MROH2A: variants seen among roughly 807,000 people sequenced by gnomAD.
MROH2A encodes maestro heat like repeat family member 2A.
MROH2A carries 174 observed loss-of-function variants against 200.4 expected under a neutral mutation model. The ratio of observed to expected loss-of-function variants is 0.87; its 90% confidence interval spans 0.77 to 0.98. MROH2A has a LOEUF of 0.98. Ranked by LOEUF, MROH2A falls within the 50% of genes least tolerant of loss-of-function variation. The pLI is 0.00. For synonymous variants in MROH2A, 829 were observed against 840.4 expected (o/e 0.99, Z 0.23); for missense variants, 2,045 against 2,139.6 (o/e 0.96, Z 0.87).
chr2:233,810,696 T>A, intron 22 of MROH2A, 98 bp from the exon 23 acceptor site: 1 of 1,453,976 alleles, frequency 6.9e-7, no homozygotes, highest in Non-Finnish European at 9.2e-7. Context: ...AAACGCTTTC[T>A]TCAGAGCAGA....
Position 233,822,215 on chromosome 2 carries a change from C to A in MROH2A, c.3604C>A (p.Leu1202Ile), listed in dbSNP as rs763319453. 2.6e-6 allele frequency: 4 copies of A among 1,548,532 alleles called. No homozygotes were observed. ...HSLMGRLQSRLSPRISATSKA... is the reference protein window; with the variant it reads ...HSLMGRLQSRISPRISATSKA... ...CCTGATGGGCCGGCTGCAGTCACGG[C>A]TCAGCCCCAGAATCAGTGCCACCTC... The change falls in exon 32 of 42, where the codon CTC (leucine) becomes ATC (isoleucine). Residue 1202 changes from leucine (L) to isoleucine (I), a missense_variant. By Grantham distance (5) the Leu-to-Ile change is conservative. Around this residue, in one of 3 missense-constraint regions of MROH2A, gnomAD observed 1,201 missense variants for 1,311.3 expected, o/e 0.92. Coordinates refer to ENST00000389758, the MANE Select transcript of MROH2A (RefSeq NM_001394639.1).
At chr2:233,805,462 G>C (rs937941428) in intron 19 of MROH2A, among the ~76,000 whole-genome samples, 2 of 152,176 alleles carry the variant, frequency 1.3e-5, no homozygotes, top group Non-Finnish European at 2.9e-5. Flanking sequence ...AGATGCTATA[G>C]TTCAAATGGT....
intron 22 of MROH2A, 87 bp from the exon 23 acceptor site, chr2:233,810,707 G>C (rs766461242): frequency 6.7e-7 from 1 of 1,489,890 alleles, no homozygotes; most frequent in Non-Finnish European, 9.0e-7. Flanking sequence ...TCAGAGCAGA[G>C]GGAGTCCAGG....
At chr2:233,800,102 A>T in intron 13 of MROH2A, 103 bp from the exon 14 acceptor site, 1 of 1,069,088 alleles carries the variant, frequency 9.4e-7, no homozygotes, top group Non-Finnish European at 1.4e-6. Context: ...CTGTAGACTC[A>T]GTATCTGGGC....
intron 3 of MROH2A, among the ~76,000 whole-genome samples, chr2:233,780,212 A>G (rs1439651488): frequency 3.9e-5 from 6 of 152,190 alleles, no homozygotes; most frequent in South Asian, 2.1e-4. Context: ...GCTGGGGTAG[A>G]GGATGTTGGA....
At chr2:233,829,864 G>A (rs565357141) in intron 38 of MROH2A, 89 bp downstream of exon 38, 5 of 1,197,296 alleles carry the variant, frequency 4.2e-6, no homozygotes, top group Non-Finnish European at 5.3e-6. Context: ...TCGGTGAGCT[G>A]CAAGCTTTTC....
chr2:233,833,134 TCAGCCCTC>T lies in MROH2A; in HGVS notation c.4904_4911del (p.Ser1635Ter). On this transcript the variant is annotated splice_acceptor_variant and splice_polypyrimidine_tract_variant and coding_sequence_variant and intron_variant, in exon 42 of 42. Transcript: ENST00000389758. LOFTEE classifies it high-confidence loss of function. ...GAACCTTCCCTCTTTGTGTTCTCTC[TCAGCCCTC>T]CAGGAACTACAGCTGGACCCGGATC... 1 of 1,540,826 alleles carries T rather than the reference TCAGCCCTC, an allele frequency of 6.5e-7. No individual in the cohort carries two copies. Among genetic ancestry groups the T allele is most frequent in the African/African-American group, 1.4e-5 (1 of 72,614 alleles).
In MROH2A at chr2:233,822,890, C is replaced by G; in HGVS notation, c.3876C>G (p.Ile1292Met). ...TCCCACCTCCCTTCAGGGTCACTATCAAGTCCATGCAGCTCTTGTTCAAGA... is the reference window on the plus strand; with the variant it reads ...TCCCACCTCCCTTCAGGGTCACTATGAAGTCCATGCAGCTCTTGTTCAAGA... ...PEEMNLQRVTIKSMQLLFKRV... is the reference protein window; with the variant it reads ...PEEMNLQRVTMKSMQLLFKRV... Residue 1292 changes from isoleucine (I) to methionine (M), a missense_variant, in exon 34 of 42, where the codon ATC becomes ATG. Around this residue, in one of 3 missense-constraint regions of MROH2A, gnomAD observed 1,201 missense variants for 1,311.3 expected, o/e 0.92. Transcript: ENST00000389758. 1 of 1,550,542 alleles carries G rather than the reference C, an allele frequency of 6.4e-7. No individual in the cohort carries two copies.
chr2:233,818,119 C>G lies in MROH2A; in HGVS notation c.3079C>G (p.Leu1027Val). Reference sequence around the variant, plus strand: ...GAATGTCCTGTCCAGCCTGCTAGATCTTCACGGTATGAGAGGGCAGGACAT... The same window carrying G: ...GAATGTCCTGTCCAGCCTGCTAGATGTTCACGGTATGAGAGGGCAGGACAT... ...SMNVLSSLLD[L>V]HASQTCSLWG... is the part of the protein sequence containing the mutation. The change falls in exon 28 of 42, where the codon CTT becomes GTT. Residue 1027 changes from leucine to valine, a missense_variant. Leu to Val is a conservative substitution (Grantham distance 32). Transcript: ENST00000389758. 1 of 1,550,638 alleles carries G rather than the reference C, an allele frequency of 6.4e-7. No individual in the cohort carries two copies.
chr2:233,812,669 C>T (rs577628687), intron 24 of MROH2A, among the ~76,000 whole-genome samples: 1 of 152,170 alleles, frequency 6.6e-6, no homozygotes, highest in East Asian at 1.9e-4. Flanking sequence ...AGAGATAAGA[C>T]AGACACATAC....
Position 233,779,861 on chromosome 2 carries a change from A to T in MROH2A, c.276+9A>T. On this transcript the variant is annotated intron_variant, in intron 3 of 41. Coordinates refer to ENST00000389758, the MANE Select transcript of MROH2A (RefSeq NM_001394639.1). ...GCCTGCAGGTGCCAGAGGTAGGGCC[A>T]TCTTACCCACTGGGCTCAGCCACCT... 6.5e-7 allele frequency: 1 copy of T among 1,547,940 alleles called. No homozygotes were observed. Among genetic ancestry groups the T allele is most frequent in the Non-Finnish European group, 8.7e-7 (1 of 1,145,986 alleles).
At chr2:233,795,442 C>G (rs983742767) in intron 8 of MROH2A, among the ~76,000 whole-genome samples, 3 of 152,298 alleles carry the variant, frequency 2.0e-5, no homozygotes, top group African/African-American at 7.2e-5. Context: ...ACTTCCCAAG[C>G]CTTGCTGTGG....
intron 13 of MROH2A, 27 bp from the exon 14 acceptor site, chr2:233,800,177 GT>G: frequency 6.7e-7 from 1 of 1,491,194 alleles, no homozygotes; most frequent in South Asian, 1.3e-5. Context: ...TAGGCCACAG[GT>G]GGGAATCCCT....
Position 233,822,190 on chromosome 2 carries a change from C to T in MROH2A, c.3579C>T (p.Ser1193=). 6.5e-7 allele frequency: 1 copy of T among 1,549,574 alleles called. No individual in the cohort carries two copies. The highest frequency in any genetic ancestry group is 1.4e-5 in the African/African-American group (1 of 73,184). The part of the protein sequence containing the change: ...NVPFARTMLH[S]LMGRLQSRLS... The stretch of plus-strand genomic sequence containing the variant: ...CCTTCGCCCGGACCATGCTCCACAG[C>T]CTGATGGGCCGGCTGCAGTCACGGC... Residue 1193 remains serine, a synonymous_variant, in exon 32 of 42, where the codon AGC becomes AGT. Coordinates refer to ENST00000389758, the MANE Select transcript of MROH2A (RefSeq NM_001394639.1).
intron 3 of MROH2A, among the ~76,000 whole-genome samples, chr2:233,785,101 G>A (rs977850726): frequency 4.0e-5 from 6 of 151,706 alleles, no homozygotes; most frequent in Non-Finnish European, 5.9e-5. Flanking sequence ...AGCTGAGATC[G>A]TGCCACTGCA....
chr2:233,803,578 G>A, intron 16 of MROH2A, 90 bp downstream of exon 16: 1 of 1,403,484 alleles, frequency 7.1e-7, no homozygotes, highest in Non-Finnish European at 9.8e-7. Context: ...AGAGCCCCAG[G>A]GGTATGAGGA....
intron 5 of MROH2A, among the ~76,000 whole-genome samples, chr2:233,791,675 G>A (rs1355633558): frequency 6.6e-6 from 1 of 152,174 alleles, no homozygotes; most frequent in Non-Finnish European, 1.5e-5. Flanking sequence ...CAAGGCTCGG[G>A]AGGAGTCGTA....
chr2:233,833,320 T>C lies in MROH2A; in HGVS notation c.*61T>C, dbSNP rs904896837. The C allele has an allele frequency of 4.3e-5, 62 of 1,442,662 alleles. No homozygotes were observed. The highest frequency in any genetic ancestry group is 1.2e-4 in the Admixed American group (4 of 32,270). The allele number at this position is 1,442,662 out of a possible 1,614,324, so 89.4% of individuals were successfully genotyped here. On this transcript the variant is annotated 3_prime_UTR_variant, in exon 42 of 42. Transcript: ENST00000389758. Reference sequence around the variant, plus strand: ...TGCCAAATGCAAGCCCTTTTTAATTTAGTTTGTAAGAAGTTTAGTTTGTAG... The same window carrying C: ...TGCCAAATGCAAGCCCTTTTTAATTCAGTTTGTAAGAAGTTTAGTTTGTAG...
In MROH2A at chr2:233,809,242, C is replaced by T. The variant is rs74811281; in HGVS notation, c.2412C>T (p.Thr804=). The T allele has an allele frequency of 2.4e-4, 377 of 1,550,554 alleles. No homozygotes were observed. In the East Asian group the frequency reaches 4.0e-3, roughly 16 times the overall value. ...TCAACCTCGTGGACAGCCCCATCAC[C>T]GCTAAGATCATTCACCATTATGTCA... ...LLLNLVDSPI[T]AKIIHHYVSS... is the part of the protein sequence containing the mutation. Residue 804 remains threonine, a synonymous_variant, in exon 22 of 42, where the codon ACC becomes ACT. Coordinates refer to ENST00000389758, the MANE Select transcript of MROH2A (RefSeq NM_001394639.1).
Sources: gnomAD v4.1 joint callset for allele counts (sites outside exome capture counted in the v4.1 genomes callset) on GRCh38, gnomAD v4.1.1 for gene constraint, gnomAD v4.1.1 regional missense constraint, MANE v1.5 for transcripts, NCBI Gene and HGNC (gene_info 2026-07-23, HGNC 2026-07-21) for gene names.